DSCAM: variants seen among roughly 807,000 people sequenced by gnomAD.
DSCAM encodes the protein cell adhesion molecule DSCAM.
Under a neutral mutation model 217.7 loss-of-function variants are expected in DSCAM, and 47 were observed. The observed-to-expected ratio is 0.22, with a 90% CI of 0.17 to 0.28. DSCAM has a LOEUF of 0.28. DSCAM is among the 10% of genes least tolerant of loss of function. The pLI, the probability that DSCAM is intolerant of heterozygous loss-of-function variation, is 1.00. For missense variants in DSCAM, 2,080 were observed against 2,618.3 expected (o/e 0.79, Z 4.49); for synonymous variants, 1,056 against 1,015.3 (o/e 1.04, Z -0.76).
intron 32 of DSCAM, among the ~76,000 whole-genome samples, chr21:40,035,959 G>A (rs1344366379): frequency 6.7e-6 from 1 of 148,520 alleles, no homozygotes; most frequent in African/African-American, 2.6e-5. Context: ...GATGTTCTTT[G>A]AAACCAACGA....
chr21:40,395,397 C>G (rs1328104508), intron 3 of DSCAM, among the ~76,000 whole-genome samples: 1 of 150,678 alleles, frequency 6.6e-6, no homozygotes, highest in South Asian at 2.1e-4. Flanking sequence ...TGTAAAATGA[C>G]GCATGTTTTT....
At chr21:40,591,605 T>A (rs1306826347) in intron 3 of DSCAM, among the ~76,000 whole-genome samples, 1 of 152,202 alleles carries the variant, frequency 6.6e-6, no homozygotes, top group Non-Finnish European at 1.5e-5. Flanking sequence ...GTTAAATTTC[T>A]TGGAATAATT....
At chr21:40,161,089 T>G (rs1190442752) in intron 16 of DSCAM, among the ~76,000 whole-genome samples, 1 of 152,118 alleles carries the variant, frequency 6.6e-6, no homozygotes, top group African/African-American at 2.4e-5. Flanking sequence ...TGCGAGTAGC[T>G]CTTGCAAATG....
intron 11 of DSCAM, among the ~76,000 whole-genome samples, chr21:40,222,856 A>C (rs988298058): frequency 6.6e-6 from 1 of 152,210 alleles, no homozygotes; most frequent in Non-Finnish European, 1.5e-5. Flanking sequence ...AATCTTGAGA[A>C]GTGTCCTTCT....
chr21:40,355,605 C>A (rs377630528), intron 4 of DSCAM, among the ~76,000 whole-genome samples: 1 of 152,198 alleles, frequency 6.6e-6, no homozygotes, highest in Non-Finnish European at 1.5e-5. Flanking sequence ...TCTAATTCAA[C>A]CTGTTTAGAA....
chr21:40,323,505 G>A (rs2074282992), intron 8 of DSCAM, among the ~76,000 whole-genome samples: 1 of 152,058 alleles, frequency 6.6e-6, no homozygotes, highest in South Asian at 2.1e-4. Flanking sequence ...CTCAGAACAA[G>A]GAAAAGATAG....
intron 7 of DSCAM, among the ~76,000 whole-genome samples, chr21:40,338,782 T>G (rs1171071179): frequency 6.6e-6 from 1 of 152,108 alleles, no homozygotes; most frequent in Non-Finnish European, 1.5e-5. Flanking sequence ...GCAGCATGAA[T>G]GTAAGTTTAA....
At chr21:40,116,600 C>A (rs2089972911) in intron 20 of DSCAM, among the ~76,000 whole-genome samples, 1 of 151,634 alleles carries the variant, frequency 6.6e-6, no homozygotes, top group African/African-American at 2.4e-5. Flanking sequence ...ACAAAGGTCT[C>A]ATGTATATGA....
intron 3 of DSCAM, among the ~76,000 whole-genome samples, chr21:40,402,645 TAACTC>T (rs1291304908): frequency 6.6e-6 from 1 of 151,706 alleles, no homozygotes; most frequent in Non-Finnish European, 1.5e-5. Context: ...AAATGGCACT[TAACTC>T]AAAATTGACA....
At chr21:40,765,587 G>C in intron 1 of DSCAM, among the ~76,000 whole-genome samples, 1 of 151,820 alleles carries the variant, frequency 6.6e-6, no homozygotes, top group Admixed American at 6.6e-5. Context: ...CAATGGGGGA[G>C]GGATGGGGAC....
intron 1 of DSCAM, among the ~76,000 whole-genome samples, chr21:40,828,889 C>T (rs1238697795): frequency 1.3e-5 from 2 of 152,134 alleles, no homozygotes; most frequent in Non-Finnish European, 2.9e-5. Flanking sequence ...AACTCCTGAC[C>T]TCAGGTGATC....
intron 3 of DSCAM, among the ~76,000 whole-genome samples, chr21:40,692,528 G>A (rs1285320967): frequency 1.3e-5 from 2 of 152,142 alleles, no homozygotes; most frequent in East Asian, 1.9e-4. Flanking sequence ...AGAAGCAGAC[G>A]TAAAACCACA....
intron 5 of DSCAM, among the ~76,000 whole-genome samples, chr21:40,350,877 CTTTT>C (rs10658416): frequency 4.7e-5 from 3 of 63,872 alleles, no homozygotes; most frequent in South Asian, 8.2e-4. Flanking sequence ...ATAAGTCATA[CTTTT>C]TTTTTTTTTT....
chr21:40,192,260 C>T (rs895012848), intron 11 of DSCAM, among the ~76,000 whole-genome samples: 3 of 152,062 alleles, frequency 2.0e-5, no homozygotes, highest in Non-Finnish European at 2.9e-5. Flanking sequence ...TGGCTGTGTC[C>T]CCACCCAACT....
intron 11 of DSCAM, among the ~76,000 whole-genome samples, chr21:40,194,370 G>C (rs189593615): frequency 6.6e-6 from 1 of 152,302 alleles, no homozygotes; most frequent in East Asian, 1.9e-4. Flanking sequence ...CTTTTCACTT[G>C]TCACAGTTAT....
intron 1 of DSCAM, among the ~76,000 whole-genome samples, chr21:40,827,462 A>C (rs999309734): frequency 1.4e-3 from 106 of 74,206 alleles, no homozygotes; most frequent in Admixed American, 0.013. Context: ...GAGTCAGTCC[A>C]TGTCTCAAAA....
intron 1 of DSCAM, among the ~76,000 whole-genome samples, chr21:40,756,632 T>C (rs538629514): frequency 6.6e-6 from 1 of 152,244 alleles, no homozygotes; most frequent in South Asian, 2.1e-4. Flanking sequence ...CCTCAAGTGA[T>C]CCACCCATCT....
intron 3 of DSCAM, among the ~76,000 whole-genome samples, chr21:40,601,583 T>G (rs1185817930): frequency 1.3e-5 from 2 of 152,242 alleles, no homozygotes; most frequent in African/African-American, 2.4e-5. Context: ...ATCTTTTACT[T>G]GTTCCAATCT....
At chr21:40,410,926 C>T (rs1194692850) in intron 3 of DSCAM, among the ~76,000 whole-genome samples, 1 of 152,084 alleles carries the variant, frequency 6.6e-6, no homozygotes, top group Non-Finnish European at 1.5e-5. Flanking sequence ...AAGTGAGGAG[C>T]ATGAGAGTCA....
Sources: gnomAD v4.1 joint callset for allele counts (sites outside exome capture counted in the v4.1 genomes callset) on GRCh38, gnomAD v4.1.1 for gene constraint, MANE v1.5 for transcripts, NCBI Gene and HGNC (gene_info 2026-07-23, HGNC 2026-07-21) for gene names.